TSPAN16: variants seen among roughly 807,000 people sequenced by gnomAD.
TSPAN16 encodes tetraspanin 16.
In TSPAN16, 23 loss-of-function variants were observed where a neutral mutation model predicts 25.2. That is an observed-to-expected ratio of 0.91 (90% CI 0.66 to 1.29). The LOEUF (loss-of-function observed/expected upper bound fraction) is 1.29. Ranked by LOEUF, TSPAN16 falls within the 50% of genes most tolerant of loss-of-function variation. The pLI is 0.00. For synonymous variants in TSPAN16, 123 were observed against 124.4 expected (o/e 0.99, Z 0.08); for missense variants, 272 against 299.9 (o/e 0.91, Z 0.69).
At chr19:11,297,241 T>C (rs930585727) in intron 1 of TSPAN16, among the ~76,000 whole-genome samples, 4 of 152,062 alleles carry the variant, frequency 2.6e-5, no homozygotes, top group Admixed American at 6.6e-5. Context: ...GGTGGGCAGA[T>C]CCATTGAGCC....
At chr19:11,323,506 G>C (rs146994440) in intron 6 of TSPAN16, 1 of 152,136 alleles carries the variant, frequency 6.6e-6, no homozygotes, top group Non-Finnish European at 1.5e-5. Flanking sequence ...CAGGAGAATC[G>C]CTTGAACCCT....
chr19:11,303,032 C>T (rs896768230), intron 4 of TSPAN16, among the ~76,000 whole-genome samples: 2 of 150,766 alleles, frequency 1.3e-5, no homozygotes, highest in East Asian at 3.9e-4. Context: ...CCCTCTGCCC[C>T]GCCACCACCC....
At chr19:11,312,745 A>G (rs990248065) in intron 6 of TSPAN16, among the ~76,000 whole-genome samples, 1 of 152,166 alleles carries the variant, frequency 6.6e-6, no homozygotes, top group South Asian at 2.1e-4. Context: ...CCTGAGTGAC[A>G]GAGTGAGATC....
chr19:11,320,428 A>G (rs546024579), downstream of TSPAN16, among the ~76,000 whole-genome samples: 8 of 152,264 alleles, frequency 5.3e-5, no homozygotes, highest in Admixed American at 2.0e-4. Context: ...GGCCAATCCT[A>G]GCACTTTGGG....
chr19:11,319,334 T>A (rs973020484), downstream of TSPAN16, among the ~76,000 whole-genome samples: 4 of 152,138 alleles, frequency 2.6e-5, no homozygotes, highest in African/African-American at 9.7e-5. Context: ...GCGCAGTGGC[T>A]TATGCCTGTA....
intron 5 of TSPAN16, 47 bp from the exon 6 acceptor site, chr19:11,312,092 A>T (rs754054885): frequency 1.2e-5 from 17 of 1,472,402 alleles, no homozygotes; most frequent in Admixed American, 1.1e-4. Flanking sequence ...CTTGCAATCC[A>T]TAAGCCCCTA....
intron 4 of TSPAN16, 93 bp downstream of exon 4, chr19:11,301,401 A>T: frequency 1.1e-6 from 1 of 896,924 alleles, no homozygotes; most frequent in Non-Finnish European, 1.8e-6. Flanking sequence ...GCACTTTGGG[A>T]GGCCGAGGTG....
At chr19:11,317,368 T>G (rs322139), downstream of TSPAN16, among the ~76,000 whole-genome samples, 42,094 of 152,096 alleles carry the variant, frequency 0.28, 5,883 homozygotes, top group Middle Eastern at 0.32. Context: ...CATGCTGGAG[T>G]GCAGAGATGT....
At chr19:11,315,654 G>A (rs1214345552) in intron 6 of TSPAN16, 137 bp from the exon 7 acceptor site, 6 of 504,620 alleles carry the variant, frequency 1.2e-5, no homozygotes, top group Non-Finnish European at 1.5e-5. Flanking sequence ...TAGCCCAGGC[G>A]GTTCTTCAGC....
At chr19:11,307,835 C>T (rs577944234) in intron 5 of TSPAN16, 8 of 152,318 alleles carry the variant, frequency 5.3e-5, no homozygotes, top group African/African-American at 1.9e-4. Flanking sequence ...CAACACAGAG[C>T]AGGGACTTAC....
At position 11,301,313 on chromosome 19, in the gene TSPAN16, G is replaced by A; in HGVS notation, c.450+5G>A. The A allele has an allele frequency of 6.2e-7, 1 of 1,611,848 alleles. No homozygotes were observed. Among genetic ancestry groups the A allele is most frequent in the Non-Finnish European group, 8.5e-7 (1 of 1,178,346 alleles). ...TGGAACTTGGTCATGGAGAAGGTGA[G>A]GCTTACTTAAAAAAAAAAAATTGTG... On this transcript the variant is annotated splice_donor_5th_base_variant and intron_variant, in intron 4 of 6. Transcript: ENST00000590327.
At chr19:11,302,672 TATATATACAC>T (rs1264896862) in intron 4 of TSPAN16, among the ~76,000 whole-genome samples, 70 of 124,012 alleles carry the variant, frequency 5.6e-4, no homozygotes, top group African/African-American at 2.9e-3. Context: ...TATATATATA[TATATATACAC>T]ACACACACAC....
chr19:11,304,828 A>G (rs1325979025), intron 4 of TSPAN16, among the ~76,000 whole-genome samples: 1 of 151,244 alleles, frequency 6.6e-6, no homozygotes, highest in Non-Finnish European at 1.5e-5. Flanking sequence ...CCAGCCTAAA[A>G]TTTTTAGTAG....
chr19:11,301,321 T>TAAA lies in TSPAN16; in HGVS notation c.450+23_450+25dup. The TAAA allele has an allele frequency of 1.6e-6, 2 of 1,264,824 alleles. No homozygotes were observed. Among genetic ancestry groups the TAAA allele is most frequent in the Non-Finnish European group, 1.1e-6 (1 of 923,180 alleles). The allele number at this position is 1,264,824 out of a possible 1,614,324, so 78.4% of individuals were successfully genotyped here. On this transcript the variant is annotated intron_variant, in intron 4 of 6. Coordinates refer to ENST00000590327, the MANE Select transcript of TSPAN16 (RefSeq NM_001282509.2). ...GGTCATGGAGAAGGTGAGGCTTACT[T>TAAA]AAAAAAAAAAAATTGTGGTGTAAAG... is the stretch of plus-strand genomic sequence containing the variant.
intron 2 of TSPAN16, 57 bp downstream of exon 2, chr19:11,298,396 T>C: frequency 6.5e-7 from 1 of 1,549,094 alleles, no homozygotes; most frequent in Non-Finnish European, 8.8e-7. Context: ...ACAAATCTTT[T>C]ATTGTGCGTG....
intron 5 of TSPAN16, among the ~76,000 whole-genome samples, chr19:11,311,462 GC>G (rs2080691657): frequency 6.6e-6 from 1 of 152,048 alleles, no homozygotes; most frequent in African/African-American, 2.4e-5. Flanking sequence ...ACAGGGTATT[GC>G]TGTGTCCCCT....
chr19:11,297,427 G>C (rs1374500415), intron 1 of TSPAN16, among the ~76,000 whole-genome samples: 3 of 152,046 alleles, frequency 2.0e-5, no homozygotes, highest in East Asian at 3.8e-4. Flanking sequence ...TCCTGCAGAG[G>C]CCACAACATC....
chr19:11,296,160 A>G lies in TSPAN16; in HGVS notation c.-138A>G. ...TGCTGGGCCGCCTTGGACAACCATC[A>G]GGCAGCCAGGACACAGAGGGGCAGA... is the stretch of plus-strand genomic sequence containing the variant. On this transcript the variant is annotated 5_prime_UTR_variant, in exon 1 of 7. Transcript: ENST00000590327. 1 of 836,302 alleles carries G rather than the reference A, an allele frequency of 1.2e-6. No individual in the cohort carries two copies. Among genetic ancestry groups the G allele is most frequent in the Non-Finnish European group, 1.9e-6 (1 of 525,800 alleles). The allele number at this position is 836,302 out of a possible 1,614,324, so 51.8% of individuals were successfully genotyped here.
intron 6 of TSPAN16, 79 bp from the exon 7 acceptor site, chr19:11,315,712 T>A (rs1328540444): frequency 8.8e-7 from 1 of 1,133,380 alleles, no homozygotes; most frequent in Non-Finnish European, 1.1e-6. Flanking sequence ...GATGCTCCCC[T>A]TGTCCCCGTA....
Sources: allele counts gnomAD v4.1 joint callset (sites outside exome capture counted in the v4.1 genomes callset), GRCh38; gene constraint gnomAD v4.1.1; transcripts MANE v1.5; gene names NCBI Gene and HGNC (gene_info 2026-07-23, HGNC 2026-07-21).